GRM7: variants seen among roughly 807,000 people sequenced by gnomAD.
GRM7 encodes the protein glutamate metabotropic receptor 7, also known as metabotropic glutamate receptor 7.
A neutral mutation model predicts 84.5 loss-of-function variants in GRM7; 35 were observed. That is an observed-to-expected ratio of 0.41 (90% CI 0.32 to 0.55). The LOEUF (loss-of-function observed/expected upper bound fraction) is 0.55, where lower values mean the gene tolerates loss of function less well. GRM7 is among the 20% of genes least tolerant of loss of function. GRM7 has a pLI of 0.19. For synonymous variants in GRM7, 487 were observed against 455.1 expected, an observed-to-expected ratio of 1.07 and a Z score of -0.89; for missense variants, 1,003 against 1,194.6, an observed-to-expected ratio of 0.84 and a Z score of 2.36.
At chr3:7,547,353 C>T (rs1693214134) in intron 7 of GRM7, among the ~76,000 whole-genome samples, 1 of 151,672 alleles carries the variant, frequency 6.6e-6, no homozygotes, top group African/African-American at 2.4e-5. Flanking sequence ...ACTACAGGCG[C>T]CCGCCGCCAC....
chr3:7,222,762 C>A (rs914983591), intron 2 of GRM7, among the ~76,000 whole-genome samples: 1 of 152,190 alleles, frequency 6.6e-6, no homozygotes, highest in Non-Finnish European at 1.5e-5. Context: ...TTCCCTTATA[C>A]ACAATCCTAG....
intron 1 of GRM7, among the ~76,000 whole-genome samples, chr3:6,958,010 T>A (rs910350923): frequency 2.6e-5 from 4 of 152,172 alleles, no homozygotes; most frequent in Non-Finnish European, 5.9e-5. Flanking sequence ...TAAATAACTC[T>A]GTTGAGGTAA....
intron 1 of GRM7, among the ~76,000 whole-genome samples, chr3:6,954,482 A>G (rs1003390461): frequency 6.6e-6 from 1 of 152,210 alleles, no homozygotes; most frequent in Admixed American, 6.5e-5. Flanking sequence ...ACATATCCCT[A>G]AAATAAGGTC....
chr3:7,124,951 C>T (rs62236033), intron 1 of GRM7, among the ~76,000 whole-genome samples: 36,478 of 151,788 alleles, frequency 0.24, 4,521 homozygotes, highest in Non-Finnish European at 0.26. Context: ...AGTTTCTTTT[C>T]TTTTTGAGGC....
intron 9 of GRM7, among the ~76,000 whole-genome samples, chr3:7,707,826 C>G (rs1487837770): frequency 6.6e-6 from 1 of 152,052 alleles, no homozygotes; most frequent in African/African-American, 2.4e-5. Context: ...TGTCTACTTA[C>G]TGTGCTGTAT....
At chr3:7,026,178 A>G (rs1695975161) in intron 1 of GRM7, among the ~76,000 whole-genome samples, 1 of 152,206 alleles carries the variant, frequency 6.6e-6, no homozygotes, top group African/African-American at 2.4e-5. Flanking sequence ...ACCATGACTC[A>G]TGCAGCCTTA....
chr3:7,083,850 T>C (rs916992407), intron 1 of GRM7, among the ~76,000 whole-genome samples: 3 of 152,104 alleles, frequency 2.0e-5, no homozygotes, highest in African/African-American at 7.2e-5. Context: ...GCTGAGGTAA[T>C]GCATCCTTCC....
intron 6 of GRM7, among the ~76,000 whole-genome samples, chr3:7,459,332 A>G (rs1191568791): frequency 6.6e-6 from 1 of 152,178 alleles, no homozygotes; most frequent in African/African-American, 2.4e-5. Context: ...AAGTATGAAC[A>G]CTTAACCAGC....
chr3:7,374,369 A>G (rs1499206), intron 4 of GRM7, among the ~76,000 whole-genome samples: 94,121 of 151,560 alleles, frequency 0.62, 29,875 homozygotes, highest in African/African-American at 0.77. Context: ...TATTGAGGCC[A>G]CACCTCGCTT....
At chr3:6,950,455 A>G (rs568541712) in intron 1 of GRM7, among the ~76,000 whole-genome samples, 1 of 152,184 alleles carries the variant, frequency 6.6e-6, no homozygotes, top group African/African-American at 2.4e-5. Flanking sequence ...GTGAGGTGTC[A>G]GTACGCCCCT....
intron 1 of GRM7, among the ~76,000 whole-genome samples, chr3:6,934,461 G>C (rs1379187751): frequency 6.6e-6 from 1 of 152,078 alleles, no homozygotes; most frequent in Non-Finnish European, 1.5e-5. Context: ...ACCAACTAGA[G>C]AGTATATCAT....
intron 7 of GRM7, among the ~76,000 whole-genome samples, chr3:7,468,557 C>G (rs1469786665): frequency 6.6e-6 from 1 of 152,114 alleles, no homozygotes; most frequent in Non-Finnish European, 1.5e-5. Context: ...GCAACAGCAA[C>G]AAAAATAACA....
chr3:7,365,714 T>A (rs1159826122), intron 4 of GRM7, among the ~76,000 whole-genome samples: 1 of 149,144 alleles, frequency 6.7e-6, no homozygotes, highest in Non-Finnish European at 1.5e-5. Context: ...TATGGGTATA[T>A]ATAATTTATA....
chr3:7,609,662 T>G (rs999462847), intron 8 of GRM7, among the ~76,000 whole-genome samples: 3 of 151,984 alleles, frequency 2.0e-5, no homozygotes, highest in Admixed American at 1.3e-4. Context: ...GGGAAGGAGA[T>G]GTTGAGCTTT....
At chr3:6,893,499 GT>G (rs1156804244) in intron 1 of GRM7, among the ~76,000 whole-genome samples, 3 of 152,036 alleles carry the variant, frequency 2.0e-5, no homozygotes, top group African/African-American at 7.2e-5. Context: ...TCTTTGTGTT[GT>G]TTTCTTTCCT....
intron 8 of GRM7, among the ~76,000 whole-genome samples, chr3:7,623,799 C>T (rs772932110): frequency 6.6e-6 from 1 of 152,138 alleles, no homozygotes; most frequent in African/African-American, 2.4e-5. Flanking sequence ...AAATAACATA[C>T]ATAATCCACA....
chr3:7,414,709 C>T (rs1696086785), intron 4 of GRM7, among the ~76,000 whole-genome samples: 1 of 152,012 alleles, frequency 6.6e-6, no homozygotes. Context: ...CAGGAGCTGA[C>T]ATGGTTAGGG....
chr3:7,135,969 A>G (rs1693756780), intron 1 of GRM7, among the ~76,000 whole-genome samples: 1 of 152,058 alleles, frequency 6.6e-6, no homozygotes, highest in South Asian at 2.1e-4. Context: ...AATTATTGAC[A>G]GTAAGATGAT....
rs566250739 is a variant in GRM7, at chr3:7,514,009, A to G, written c.1515+52287A>G. ...CATCACTTCACTACTAACTGTGTGT[A>G]CCTTGAGTGACTTAATCTATTTCCT... On this transcript the variant is annotated intron_variant, in intron 7 of 9. Transcript: ENST00000357716. Among the ~76,000 whole-genome samples the G allele has an allele frequency of 5.3e-5, 8 of 152,344 alleles. No homozygotes were observed. In the East Asian group the frequency reaches 1.2e-3, roughly 22 times the overall value.
Sources: gnomAD v4.1 joint callset for allele counts (sites outside exome capture counted in the v4.1 genomes callset) on GRCh38, gnomAD v4.1.1 for gene constraint, MANE v1.5 for transcripts, NCBI Gene and HGNC (gene_info 2026-07-23, HGNC 2026-07-21) for gene names.